Variants in DLGAP2 observed in about 807,000 individuals in gnomAD.
The protein encoded by DLGAP2 is disks large-associated protein 2.
DLGAP2 carries 26 observed loss-of-function variants against 100.3 expected under a neutral mutation model. That is an observed-to-expected ratio of 0.26 (90% CI 0.19 to 0.36). The LOEUF (loss-of-function observed/expected upper bound fraction) is 0.36, where lower values mean the gene tolerates loss of function less well. DLGAP2 is among the 10% of genes least tolerant of loss of function. The probability of loss-of-function intolerance (pLI) is 1.00; values close to 1 mark genes in which losing one functional copy is unlikely to be tolerated. For missense variants in DLGAP2, 1,858 were observed against 1,453.2 expected (o/e 1.28, Z -4.53); for synonymous variants, 886 against 630.1 (o/e 1.41, Z -6.08).
intron 2 of DLGAP2, among the ~76,000 whole-genome samples, chr8:950,616 CTTTTTCTTTTTT>C (rs1240391530): frequency 1.4e-5 from 2 of 145,264 alleles, no homozygotes; most frequent in Non-Finnish European, 3.0e-5. Flanking sequence ...TTCTTTTTTT[CTTTTTCTTTTTT>C]TTTTTTTTTT....
chr8:1,520,633 A>C (rs1265693334), intron 4 of DLGAP2, among the ~76,000 whole-genome samples: 1 of 151,960 alleles, frequency 6.6e-6, no homozygotes, highest in Admixed American at 6.6e-5. Flanking sequence ...CTCTTTCGCT[A>C]CCTTTGTAGT....
intron 3 of DLGAP2, among the ~76,000 whole-genome samples, chr8:1,418,098 T>A (rs1352648576): frequency 1.3e-5 from 2 of 152,160 alleles, no homozygotes; most frequent in Non-Finnish European, 2.9e-5. Context: ...GTAACTCCTG[T>A]CCCTCCACCA....
At chr8:1,534,976 T>C (rs559894191) in intron 4 of DLGAP2, among the ~76,000 whole-genome samples, 1 of 152,388 alleles carries the variant, frequency 6.6e-6, no homozygotes, top group East Asian at 1.9e-4. Context: ...AGGTGGCCTT[T>C]TGACTCCATT....
At chr8:1,599,232 CTG>C (rs1796549539) in intron 6 of DLGAP2, among the ~76,000 whole-genome samples, 1 of 149,546 alleles carries the variant, frequency 6.7e-6, no homozygotes, top group Non-Finnish European at 1.5e-5. Flanking sequence ...GTCGGAGAGA[CTG>C]TTATGATTTC....
chr8:1,260,750 C>T (rs1416801728), intron 3 of DLGAP2, among the ~76,000 whole-genome samples: 1 of 152,224 alleles, frequency 6.6e-6, no homozygotes, highest in East Asian at 1.9e-4. Flanking sequence ...TTTCTGGGGA[C>T]ATTCTAGGTC....
chr8:964,382 C>T (rs1050149302), intron 2 of DLGAP2, among the ~76,000 whole-genome samples: 2 of 152,238 alleles, frequency 1.3e-5, no homozygotes, highest in African/African-American at 4.8e-5. Context: ...CACTTGCTGT[C>T]CTGCGTTGAA....
intron 2 of DLGAP2, among the ~76,000 whole-genome samples, chr8:1,223,485 G>A (rs1462318041): frequency 6.6e-6 from 1 of 152,206 alleles, no homozygotes; most frequent in African/African-American, 2.4e-5. Context: ...TCTACAAGAT[G>A]ACTAAAAGTT....
intron 2 of DLGAP2, among the ~76,000 whole-genome samples, chr8:1,188,099 A>G (rs1441764166): frequency 2.3e-3 from 162 of 69,700 alleles, no homozygotes; most frequent in Middle Eastern, 0.022. Context: ...AATCTCACAC[A>G]CCCGGGACCT....
At chr8:1,526,014 C>T (rs1800779386) in intron 4 of DLGAP2, among the ~76,000 whole-genome samples, 1 of 151,930 alleles carries the variant, frequency 6.6e-6, no homozygotes, top group East Asian at 1.9e-4. Flanking sequence ...GCCAAGTGAA[C>T]ATCCCTAATC....
At chr8:1,149,954 G>T (rs2093719143) in intron 2 of DLGAP2, among the ~76,000 whole-genome samples, 1 of 152,192 alleles carries the variant, frequency 6.6e-6, no homozygotes, top group African/African-American at 2.4e-5. Flanking sequence ...TTCCTGCTCT[G>T]TGTTTAGCCA....
intron 3 of DLGAP2, among the ~76,000 whole-genome samples, chr8:1,278,244 C>T (rs1354252661): frequency 6.6e-6 from 1 of 152,280 alleles, no homozygotes; most frequent in Non-Finnish European, 1.5e-5. Flanking sequence ...ATTATTTTAT[C>T]TATAAAAGTG....
At chr8:1,365,766 C>T (rs1447345400) in intron 3 of DLGAP2, among the ~76,000 whole-genome samples, 1 of 152,182 alleles carries the variant, frequency 6.6e-6, no homozygotes, top group Non-Finnish European at 1.5e-5. Context: ...ACGCGGAGGG[C>T]GAGCCTGTGA....
At chr8:1,192,252 G>C (rs1230756185) in intron 2 of DLGAP2, among the ~76,000 whole-genome samples, 1 of 152,182 alleles carries the variant, frequency 6.6e-6, no homozygotes, top group Non-Finnish European at 1.5e-5. Flanking sequence ...GCTGGGCAAT[G>C]GGTTTAGCCC....
chr8:1,193,924 C>T (rs376505460), intron 2 of DLGAP2, among the ~76,000 whole-genome samples: 34 of 152,118 alleles, frequency 2.2e-4, no homozygotes, highest in African/African-American at 5.8e-4. Context: ...GCTGGAGGGA[C>T]GTTTTCGTTC....
At chr8:1,450,638 C>A (rs1168030259) in intron 3 of DLGAP2, among the ~76,000 whole-genome samples, 1 of 145,592 alleles carries the variant, frequency 6.9e-6, no homozygotes, top group African/African-American at 2.8e-5. Flanking sequence ...CTTTGTCTTC[C>A]CCCCCATCAT....
intron 2 of DLGAP2, among the ~76,000 whole-genome samples, chr8:1,020,161 G>C (rs192382519): frequency 1.6e-3 from 245 of 152,206 alleles, no homozygotes; most frequent in Admixed American, 3.3e-3. Flanking sequence ...GACTTTTATT[G>C]ATTGCCTTAC....
intron 1 of DLGAP2, among the ~76,000 whole-genome samples, chr8:823,406 C>T (rs1563050507): frequency 6.6e-6 from 1 of 152,140 alleles, no homozygotes; most frequent in Non-Finnish European, 1.5e-5. Flanking sequence ...TCCATTGAAA[C>T]TCCCTGTAAC....
rs1158763723 is a variant in DLGAP2, at chr8:780,080, T to C, written c.18+42255T>C. Among the ~76,000 whole-genome samples the C allele has an allele frequency of 2.0e-5, 3 of 152,202 alleles. No individual in the cohort carries two copies. The East Asian group carries it at 5.8e-4, about 29-fold the overall frequency. On this transcript the variant is annotated intron_variant, in intron 1 of 14. Coordinates refer to ENST00000637795, the MANE Select transcript of DLGAP2 (RefSeq NM_001346810.2). ...ATTATTAGCTGTGTTTGCCATGCAA[T>C]GCAGTGATCACTAAGCCTTAGTCTA... is the stretch of plus-strand genomic sequence containing the variant.
At chr8:783,814 G>A (rs1003847727) in intron 1 of DLGAP2, among the ~76,000 whole-genome samples, 4 of 152,158 alleles carry the variant, frequency 2.6e-5, no homozygotes, top group Admixed American at 6.5e-5. Context: ...AGAGTTTGGG[G>A]TATCTGTCTC....
Sources: allele counts gnomAD v4.1 joint callset (sites outside exome capture counted in the v4.1 genomes callset), GRCh38; gene constraint gnomAD v4.1.1; transcripts MANE v1.5; gene names NCBI Gene and HGNC (gene_info 2026-07-23, HGNC 2026-07-21).